The following HMCN1 variants were observed in gnomAD, a reference collection of about 807,000 sequenced individuals.
The protein encoded by HMCN1 is hemicentin-1.
In HMCN1, 321 loss-of-function variants were observed where a neutral mutation model predicts 625.9. The ratio of observed to expected loss-of-function variants is 0.51; its 90% CI spans 0.47 to 0.56. The LOEUF is 0.56. Among genes scored for constraint, HMCN1 ranks in the 20% least tolerant of loss-of-function variants. The pLI is 0.00. For synonymous variants in HMCN1, 2,425 were observed against 2,417.6 expected (o/e 1.00, Z -0.09); for missense variants, 6,588 against 6,887.3 (o/e 0.96, Z 1.54).
chr1:185,893,498 TA>T (rs1345042002), intron 4 of HMCN1, among the ~76,000 whole-genome samples: 2 of 152,212 alleles, frequency 1.3e-5, no homozygotes, highest in Non-Finnish European at 2.9e-5. Context: ...TGTATTAACA[TA>T]TTTATATTAA....
chr1:186,053,212 T>C, intron 43 of HMCN1, 138 bp downstream of exon 43: 1 of 760,066 alleles, frequency 1.3e-6, no homozygotes, highest in Non-Finnish European at 2.2e-6. Flanking sequence ...AATTGCTTTA[T>C]ATTAAATGTG....
At chr1:186,101,164 GA>G (rs542490368) in intron 68 of HMCN1, among the ~76,000 whole-genome samples, 29 of 147,828 alleles carry the variant, frequency 2.0e-4, no homozygotes, top group Admixed American at 4.0e-4. Flanking sequence ...CAACTAGGAA[GA>G]AAAAAAAAAC....
chr1:185,845,021 G>T (rs187730782), intron 1 of HMCN1, among the ~76,000 whole-genome samples: 1 of 152,302 alleles, frequency 6.6e-6, no homozygotes, highest in Admixed American at 6.5e-5. Context: ...ACCTTTTCCT[G>T]TTGGAAGAAG....
intron 1 of HMCN1, among the ~76,000 whole-genome samples, chr1:185,743,619 G>A (rs992455079): frequency 1.3e-5 from 2 of 152,224 alleles, no homozygotes; most frequent in African/African-American, 4.8e-5. Flanking sequence ...TGTTGTAAGT[G>A]TTCTCACAAA....
At chr1:186,100,066 G>T (rs911055807) in intron 68 of HMCN1, among the ~76,000 whole-genome samples, 4 of 152,032 alleles carry the variant, frequency 2.6e-5, no homozygotes, top group Non-Finnish European at 5.9e-5. Context: ...GGCAGGGGGA[G>T]GGGGAGAGCG....
rs560644469 is a variant in HMCN1, at chr1:186,161,375, A to G, written c.15257-3736A>G. 2.3e-4 allele frequency among the ~76,000 whole-genome samples: 35 copies of G among 151,984 alleles called. No individual in the cohort carries two copies. The South Asian group carries it at 6.4e-3, about 28-fold the overall frequency. The stretch of plus-strand genomic sequence containing the variant: ...CTGATGGGTCTTGTCTCTTTATCCA[A>G]TTTGCCAGTCTGTGTCTTTTAATTG... On this transcript the variant is annotated intron_variant, in intron 97 of 106. Coordinates refer to ENST00000271588, the MANE Select transcript of HMCN1 (RefSeq NM_031935.3).
intron 41 of HMCN1, among the ~76,000 whole-genome samples, chr1:186,046,769 G>A (rs1452692404): frequency 6.6e-6 from 1 of 152,066 alleles, no homozygotes; most frequent in Admixed American, 6.6e-5. Context: ...GTGAATGTTT[G>A]GAAATAATGT....
intron 11 of HMCN1, among the ~76,000 whole-genome samples, chr1:185,947,728 A>T (rs1460085174): frequency 6.6e-6 from 1 of 152,190 alleles, no homozygotes; most frequent in Non-Finnish European, 1.5e-5. Context: ...TTTGGAAGAA[A>T]TCCCTGGCCA....
At chr1:185,894,004 G>A (rs573857037) in intron 4 of HMCN1, among the ~76,000 whole-genome samples, 8 of 151,830 alleles carry the variant, frequency 5.3e-5, no homozygotes, top group South Asian at 2.1e-4. Context: ...GCGTAGTGGC[G>A]GGCCCCTGTA....
chr1:185,834,133 C>T (rs531553599), intron 1 of HMCN1, among the ~76,000 whole-genome samples: 40 of 152,248 alleles, frequency 2.6e-4, no homozygotes, highest in African/African-American at 8.7e-4. Flanking sequence ...GTCACAGTTG[C>T]TATCATCGGA....
chr1:185,944,272 A>C (rs1191736933), intron 11 of HMCN1, among the ~76,000 whole-genome samples: 1 of 152,216 alleles, frequency 6.6e-6, no homozygotes, highest in Non-Finnish European at 1.5e-5. Context: ...CTGTGAGTAC[A>C]CAAAGACATA....
intron 41 of HMCN1, among the ~76,000 whole-genome samples, chr1:186,047,046 G>C (rs1656623022): frequency 6.6e-6 from 1 of 152,092 alleles, no homozygotes; most frequent in Non-Finnish European, 1.5e-5. Context: ...TAAACAATGA[G>C]AGTCTTGAGA....
chr1:185,908,503 T>C (rs893167915), intron 4 of HMCN1, among the ~76,000 whole-genome samples: 2 of 151,896 alleles, frequency 1.3e-5, no homozygotes, highest in Non-Finnish European at 2.9e-5. Flanking sequence ...TATAAGATCA[T>C]CCAAGGAGTA....
chr1:186,113,077 A>T, intron 72 of HMCN1, 124 bp downstream of exon 72: 1 of 1,092,948 alleles, frequency 9.1e-7, no homozygotes, highest in South Asian at 1.4e-5. Flanking sequence ...CTTTTGAAAA[A>T]GGCAACGTGG....
At chr1:186,070,514 C>T in intron 51 of HMCN1, 98 bp from the exon 52 acceptor site, 1 of 1,074,648 alleles carries the variant, frequency 9.3e-7, no homozygotes, top group Admixed American at 1.8e-5. Context: ...TCTGTTATTT[C>T]CTTGTTTTCT....
At chr1:186,035,905 G>A (rs1009591519) in intron 36 of HMCN1, among the ~76,000 whole-genome samples, 8 of 151,890 alleles carry the variant, frequency 5.3e-5, no homozygotes, top group South Asian at 2.1e-4. Flanking sequence ...TTTCATATTC[G>A]TTATAACTGT....
chr1:185,883,879 A>ATTT (rs1205211897), intron 4 of HMCN1, among the ~76,000 whole-genome samples: 6 of 55,922 alleles, frequency 1.1e-4, no homozygotes, highest in Admixed American at 2.0e-4. Flanking sequence ...ATAGGTCATG[A>ATTT]TTTTTTTTTT....
intron 1 of HMCN1, among the ~76,000 whole-genome samples, chr1:185,803,484 T>A (rs1392316862): frequency 6.6e-6 from 1 of 152,036 alleles, no homozygotes; most frequent in African/African-American, 2.4e-5. Context: ...AATAGCATTT[T>A]TTCTCCCAGT....
At chr1:185,953,599 A>G (rs1649396140) in intron 11 of HMCN1, among the ~76,000 whole-genome samples, 1 of 151,858 alleles carries the variant, frequency 6.6e-6, no homozygotes, top group African/African-American at 2.4e-5. Context: ...AGAAGAGAGT[A>G]AAAAGAGGCC....
Sources: allele counts gnomAD v4.1 joint callset (sites outside exome capture counted in the v4.1 genomes callset), GRCh38; gene constraint gnomAD v4.1.1; transcripts MANE v1.5; gene names NCBI Gene and HGNC (gene_info 2026-07-23, HGNC 2026-07-21).